Variants in ALG1 observed in about 807,000 individuals in gnomAD.
The protein encoded by ALG1 is ALG1 chitobiosyldiphosphodolichol beta-mannosyltransferase, also known as chitobiosyldiphosphodolichol beta-mannosyltransferase.
A neutral mutation model predicts 55.1 loss-of-function variants in ALG1; 58 were observed. The ratio of observed to expected loss-of-function variants is 1.05; its 90% confidence interval spans 0.85 to 1.31. The LOEUF (loss-of-function observed/expected upper bound fraction) is 1.31, where lower values mean the gene tolerates loss of function less well. Ranked by LOEUF, ALG1 falls within the 50% of genes most tolerant of loss-of-function variation. The probability of loss-of-function intolerance (pLI) is 0.00; values close to 1 mark genes in which losing one functional copy is unlikely to be tolerated. For missense variants in ALG1, 761 were observed against 598.6 expected (o/e 1.27, Z -2.83); for synonymous variants, 309 against 247.0 (o/e 1.25, Z -2.35).
At chr16:5,072,639 C>A (rs145131077) in intron 1 of ALG1, among the ~76,000 whole-genome samples, 1 of 152,162 alleles carries the variant, frequency 6.6e-6, no homozygotes, top group East Asian at 1.9e-4. Flanking sequence ...AGTGGGACTT[C>A]CTAGGGATGG....
rs767269843 is a variant in ALG1 at position 5,085,744 on chromosome 16, GC to G, written c.*864del. On this transcript the variant is annotated 3_prime_UTR_variant, in exon 13 of 13. Transcript: ENST00000262374. The stretch of plus-strand genomic sequence containing the variant: ...GATCCCGGCCCGGCCTGGAAACAGA[GC>G]ACATGTGTTTGAGGATGGCGGTGTT... The G allele has an allele frequency of 1.2e-5, 19 of 1,598,054 alleles. No homozygotes were observed. The highest frequency in any genetic ancestry group is 1.5e-5 in the Non-Finnish European group (18 of 1,167,372).
chr16:5,075,375 C>A lies in ALG1; in HGVS notation c.391-13C>A. On this transcript the variant is annotated splice_polypyrimidine_tract_variant and intron_variant, in intron 3 of 12. Coordinates refer to ENST00000262374, the MANE Select transcript of ALG1 (RefSeq NM_019109.5). ...TCTGGGTTTCCTCCCCTTCAAGTCT[C>A]TATCTTTCCTAGAACCCCCCAGGTC... The A allele has an allele frequency of 6.2e-7, 1 of 1,614,084 alleles. No homozygotes were observed. Among genetic ancestry groups the A allele is most frequent in the Non-Finnish European group, 8.5e-7 (1 of 1,179,996 alleles).
At chr16:5,082,738 T>C (rs1957037925) in intron 11 of ALG1, 65 bp downstream of exon 11, 1 of 1,591,044 alleles carries the variant, frequency 6.3e-7, no homozygotes, top group Non-Finnish European at 8.6e-7. Flanking sequence ...GGGGAAGCAG[T>C]GCAGAGGGAG....
At chr16:5,079,931 G>T (rs573819793) in intron 9 of ALG1, 124 bp downstream of exon 9, 2 of 1,277,220 alleles carry the variant, frequency 1.6e-6, no homozygotes, top group East Asian at 2.3e-5. Context: ...TCTGCCATAG[G>T]GTCTTATACT....
At chr16:5,072,753 G>A (rs1399822678) in intron 1 of ALG1, among the ~76,000 whole-genome samples, 198 bp from the exon 2 acceptor site, 1 of 152,174 alleles carries the variant, frequency 6.6e-6, no homozygotes, top group Admixed American at 6.5e-5. Flanking sequence ...TAAGATTCAG[G>A]CCCTATCTCT....
chr16:5,077,514 G>C lies in ALG1; in HGVS notation c.609G>C (p.Leu203=), dbSNP rs1406012800. Residue 203 remains leucine, a synonymous_variant, in exon 5 of 13, where the codon CTG becomes CTC. Transcript: ENST00000262374. ...LCVTNAMRED[L]ADNWHIRAVT... The stretch of plus-strand genomic sequence containing the variant: ...TTACCAATGCTATGCGAGAAGACCT[G>C]GCGGATAACTGGCACATCAGGTACC... 6.8e-6 allele frequency: 11 copies of C among 1,614,090 alleles called. No homozygotes were observed. Among genetic ancestry groups the C allele is most frequent in the Non-Finnish European group, 6.8e-6 (8 of 1,180,046 alleles).
At position 5,083,787 on chromosome 16, in the gene ALG1, G is replaced by A. The variant is rs780207009; in HGVS notation, c.1263+30G>A. On this transcript the variant is annotated intron_variant, in intron 12 of 12. Coordinates refer to ENST00000262374, the MANE Select transcript of ALG1 (RefSeq NM_019109.5). ...CCACGTCTGCCACCACGCCAGGGTGGGGAGGGTTCTGGAGACTGGCACCGA... is the reference window on the plus strand; with the variant it reads ...CCACGTCTGCCACCACGCCAGGGTGAGGAGGGTTCTGGAGACTGGCACCGA... 12 of 1,597,426 alleles carry A rather than the reference G, an allele frequency of 7.5e-6. No individual in the cohort carries two copies. The Admixed American group carries it at 2.0e-4, about 27-fold the overall frequency.
chr16:5,084,056 G>A (rs1377104404), intron 12 of ALG1, among the ~76,000 whole-genome samples: 1 of 152,230 alleles, frequency 6.6e-6, no homozygotes, highest in East Asian at 1.9e-4. Flanking sequence ...TCAGGATCAC[G>A]TAGGTGGGCG....
chr16:5,076,881 G>A (rs763341194), intron 4 of ALG1, among the ~76,000 whole-genome samples: 7 of 138,990 alleles, frequency 5.0e-5, no homozygotes, highest in Admixed American at 8.0e-5. Context: ...TGCAGCCTCC[G>A]CCTTCTGGGT....
At chr16:5,075,287 AGAT>A (rs1210500151) in intron 3 of ALG1, 98 bp from the exon 4 acceptor site, 37 of 1,252,286 alleles carry the variant, frequency 3.0e-5, no homozygotes, top group Non-Finnish European at 4.3e-5. Flanking sequence ...AGCTCTGTAA[AGAT>A]AACAGACTCA....
chr16:5,080,073 C>CTTT (rs34927441), intron 9 of ALG1, among the ~76,000 whole-genome samples: 7 of 134,600 alleles, frequency 5.2e-5, no homozygotes, highest in African/African-American at 1.1e-4. Flanking sequence ...TCATTGGTGT[C>CTTT]TTTTTTTTTT....
At chr16:5,077,347 G>T (rs916139287) in intron 4 of ALG1, 98 bp from the exon 5 acceptor site, 3 of 1,083,442 alleles carry the variant, frequency 2.8e-6, no homozygotes, top group African/African-American at 1.6e-5. Context: ...AACTCTCCCA[G>T]CTCTGCGGCC....
At chr16:5,082,097 G>A (rs1957026131) in intron 10 of ALG1, among the ~76,000 whole-genome samples, 2 of 151,424 alleles carry the variant, frequency 1.3e-5, no homozygotes, top group African/African-American at 4.9e-5. Flanking sequence ...CGCCTGCCAC[G>A]ATGCTTGGCT....
chr16:5,078,659 C>G, intron 6 of ALG1, 98 bp from the exon 7 acceptor site: 7 of 1,609,296 alleles, frequency 4.3e-6, no homozygotes, highest in South Asian at 1.1e-5. Context: ...GCACCCCAAC[C>G]TCTGGGAGCC....
In ALG1 at chr16:5,073,243, A is replaced by G. The variant is rs200094659; in HGVS notation, c.377A>G (p.Tyr126Cys). Reference protein sequence around the residue: ...WKLMWREPGAYIFLQNPPGLP... With the variant: ...WKLMWREPGACIFLQNPPGLP... ...TTGATGTGGAGGGAGCCAGGTGCCT[A>G]TATCTTTCTCCAGGTGTGTATCAGC... is the stretch of plus-strand genomic sequence containing the variant. The change falls in exon 3 of 13, where the codon TAT becomes TGT. Residue 126 changes from tyrosine to cysteine, a missense_variant. Tyr to Cys is a radical substitution (Grantham distance 194). Transcript: ENST00000262374. The G allele has an allele frequency of 1.3e-5, 21 of 1,613,940 alleles. No homozygotes were observed. Among genetic ancestry groups the G allele is most frequent in the East Asian group, 2.2e-5 (1 of 44,896 alleles).
chr16:5,077,573 C>CG lies in ALG1; in HGVS notation c.629+43dup, dbSNP rs779678646. ...GGATGACGGCGGCCTGGGAGAGGCG[C>CG]GGGGCCCCTGATTGGCTGCAGTGAG... On this transcript the variant is annotated intron_variant, in intron 5 of 12. Coordinates refer to ENST00000262374, the MANE Select transcript of ALG1 (RefSeq NM_019109.5). 1.4e-5 allele frequency: 23 copies of CG among 1,598,180 alleles called. No individual in the cohort carries two copies. The Admixed American group carries it at 3.8e-4, about 27-fold the overall frequency.
In ALG1 at chr16:5,085,823, G is replaced by C. The variant is rs1339917403; in HGVS notation, c.*942G>C. The C allele has an allele frequency of 7.0e-6, 7 of 1,000,900 alleles. No individual in the cohort carries two copies. Among genetic ancestry groups the C allele is most frequent in the Non-Finnish European group, 1.1e-5 (7 of 624,754 alleles). The allele number at this position is 1,000,900 out of a possible 1,614,324, so 62.0% of individuals were successfully genotyped here. ...GGGGCTGCTAGGACAGGCCTGGCGGGGTAGGGGGGTGTCCAAGTCAGTTTA... is the reference window on the plus strand; with the variant it reads ...GGGGCTGCTAGGACAGGCCTGGCGGCGTAGGGGGGTGTCCAAGTCAGTTTA... On this transcript the variant is annotated 3_prime_UTR_variant, in exon 13 of 13. Coordinates refer to ENST00000262374, the MANE Select transcript of ALG1 (RefSeq NM_019109.5).
intron 1 of ALG1, 195 bp downstream of exon 1, chr16:5,072,252 T>C (rs1956829455): frequency 6.7e-7 from 1 of 1,489,100 alleles, no homozygotes; most frequent in Admixed American, 2.3e-5. Context: ...TCTTGCCACG[T>C]GTCAGAAGTG....
At position 5,078,075 on chromosome 16, in the gene ALG1, C is replaced by G. The variant is rs531014829; in HGVS notation, c.740+58C>G. On this transcript the variant is annotated intron_variant, in intron 6 of 12. Transcript: ENST00000262374. ...TGCTCGCCACTGCCCTGGCCTCTCC[C>G]CTTCTCACTGCAGACCTGGGAACCC... The G allele has an allele frequency of 1.7e-4, 270 of 1,570,278 alleles. 1 individual carries two copies. In the Middle Eastern group the frequency reaches 2.3e-3, roughly 13 times the overall value.
Sources: gnomAD v4.1 joint callset for allele counts (sites outside exome capture counted in the v4.1 genomes callset) on GRCh38, gnomAD v4.1.1 for gene constraint, MANE v1.5 for transcripts, NCBI Gene and HGNC (gene_info 2026-07-23, HGNC 2026-07-21) for gene names.